The following BBS9 variants were observed in gnomAD, a reference collection of about 807,000 sequenced individuals.
BBS9 encodes Bardet-Biedl syndrome 9.
Under a neutral mutation model 117.7 loss-of-function variants are expected in BBS9, and 89 were observed. The observed-to-expected ratio is 0.76, with a 90% CI of 0.64 to 0.90. The LOEUF (loss-of-function observed/expected upper bound fraction) is 0.90, where lower values mean the gene tolerates loss of function less well. Among genes scored for constraint, BBS9 ranks in the 40% least tolerant of loss-of-function variants. The pLI is 0.00. For synonymous variants in BBS9, 379 were observed against 370.9 expected, an observed-to-expected ratio of 1.02 and a Z score of -0.25; for missense variants, 982 against 1,042.2, an observed-to-expected ratio of 0.94 and a Z score of 0.80.
At chr7:33,324,510 CA>C (rs1812429891) in intron 9 of BBS9, among the ~76,000 whole-genome samples, 1 of 152,050 alleles carries the variant, frequency 6.6e-6, no homozygotes, top group South Asian at 2.1e-4. Flanking sequence ...ACCACAGTTA[CA>C]GTGTTGTACT....
intron 18 of BBS9, among the ~76,000 whole-genome samples, chr7:33,386,207 CT>C (rs1477969448): frequency 2.0e-5 from 3 of 152,064 alleles, no homozygotes; most frequent in South Asian, 2.1e-4. Context: ...CATGAATACA[CT>C]TTAAAAAAGT....
chr7:33,295,845 G>T (rs555765952), intron 9 of BBS9, among the ~76,000 whole-genome samples: 1 of 152,040 alleles, frequency 6.6e-6, no homozygotes, highest in Non-Finnish European at 1.5e-5. Flanking sequence ...ATTTTTTTAA[G>T]TTACAAATTG....
chr7:33,446,848 A>G (rs1442507137), intron 19 of BBS9, among the ~76,000 whole-genome samples: 1 of 152,214 alleles, frequency 6.6e-6, no homozygotes, highest in Non-Finnish European at 1.5e-5. Flanking sequence ...TGAGCACTTC[A>G]GAGGGCTTCC....
intron 17 of BBS9, among the ~76,000 whole-genome samples, chr7:33,368,575 A>T (rs1432084134): frequency 3.1e-5 from 4 of 128,288 alleles, no homozygotes; most frequent in Admixed American, 7.4e-5. Context: ...GAGAGAAAAA[A>T]GTACACACAC....
rs1389176543 is a variant in BBS9 at position 33,171,311 on chromosome 7, C to G, written c.329-6167C>G. Among the ~76,000 whole-genome samples, 4 of 152,052 alleles carry G rather than the reference C, an allele frequency of 2.6e-5. 1 individual carries two copies. In the South Asian group the frequency reaches 8.3e-4, roughly 32 times the overall value. ...CAGAAATAACGCCGCATATCTACAA[C>G]TATCTGATCTTTGACAAACCTGAGA... On this transcript the variant is annotated intron_variant, in intron 4 of 22. Coordinates refer to ENST00000242067, the MANE Select transcript of BBS9 (RefSeq NM_198428.3).
At chr7:33,366,518 GTTTCTTTTTTTTTTTCTTTTC>G (rs1821754152) in intron 16 of BBS9, among the ~76,000 whole-genome samples, 2 of 105,958 alleles carry the variant, frequency 1.9e-5, no homozygotes, top group Admixed American at 1.8e-4. Context: ...GATGTTTAAT[GTTTCTTTTTTTTTTTCTTTTC>G]TTTCTTTTTT....
chr7:33,381,797 G>A (rs779578873), intron 17 of BBS9, among the ~76,000 whole-genome samples: 25 of 152,280 alleles, frequency 1.6e-4, no homozygotes, highest in Non-Finnish European at 3.2e-4. Flanking sequence ...GCAAAGACCA[G>A]TGTGTTTGCA....
At chr7:33,370,882 T>A (rs1822737490) in intron 17 of BBS9, among the ~76,000 whole-genome samples, 1 of 152,120 alleles carries the variant, frequency 6.6e-6, no homozygotes, top group Non-Finnish European at 1.5e-5. Context: ...TCTACTTGCT[T>A]CTTAAAGAAT....
chr7:33,489,199 G>T (rs1843556852), intron 19 of BBS9, among the ~76,000 whole-genome samples: 1 of 151,702 alleles, frequency 6.6e-6, no homozygotes, highest in Admixed American at 6.6e-5. Flanking sequence ...TCGCCATGTT[G>T]GCCAGGCTGG....
At chr7:33,161,393 C>T (rs1037269551) in intron 4 of BBS9, among the ~76,000 whole-genome samples, 9 of 152,102 alleles carry the variant, frequency 5.9e-5, no homozygotes, top group African/African-American at 1.9e-4. Flanking sequence ...TCCTTGTGAT[C>T]GTTTGCTCAG....
intron 16 of BBS9, among the ~76,000 whole-genome samples, chr7:33,367,132 C>T (rs1388577549): frequency 3.3e-5 from 5 of 152,032 alleles, no homozygotes; most frequent in Non-Finnish European, 7.4e-5. Context: ...GAGAACCTTT[C>T]CTTTAGTAGT....
intron 10 of BBS9, 103 bp from the exon 11 acceptor site, chr7:33,340,794 A>G: frequency 2.2e-6 from 2 of 899,964 alleles, no homozygotes; most frequent in Non-Finnish European, 3.4e-6. Flanking sequence ...GAGTATGTTT[A>G]TGGGGTTTTT....
chr7:33,521,846 C>T (rs1417208303), intron 20 of BBS9, among the ~76,000 whole-genome samples: 1 of 150,782 alleles, frequency 6.6e-6, no homozygotes, highest in Non-Finnish European at 1.5e-5. Context: ...GCTGCACACA[C>T]TAACTCATCA....
chr7:33,281,192 C>A (rs995955709), intron 9 of BBS9, among the ~76,000 whole-genome samples: 7 of 150,960 alleles, frequency 4.6e-5, no homozygotes, highest in Non-Finnish European at 1.0e-4. Flanking sequence ...TTTAGATATT[C>A]TATGTTAGTC....
At chr7:33,425,142 G>T (rs1833471181) in intron 19 of BBS9, among the ~76,000 whole-genome samples, 1 of 151,962 alleles carries the variant, frequency 6.6e-6, no homozygotes, top group Admixed American at 6.5e-5. Context: ...GTGCCATTTT[G>T]TTATCTACCA....
At chr7:33,465,320 C>T (rs141684544) in intron 19 of BBS9, among the ~76,000 whole-genome samples, 2 of 148,990 alleles carry the variant, frequency 1.3e-5, no homozygotes, top group South Asian at 2.1e-4. Flanking sequence ...ATTTTATGAT[C>T]GTGTAAAATT....
intron 19 of BBS9, among the ~76,000 whole-genome samples, chr7:33,450,544 G>A (rs897519757): frequency 6.6e-6 from 1 of 152,206 alleles, no homozygotes; most frequent in Admixed American, 6.5e-5. Context: ...TGATGTGTGT[G>A]TGTGTTTAAT....
intron 19 of BBS9, among the ~76,000 whole-genome samples, chr7:33,442,726 A>G (rs760689230): frequency 6.6e-6 from 1 of 152,204 alleles, no homozygotes; most frequent in Admixed American, 6.5e-5. Context: ...ATTGTTCCTC[A>G]AAGAAGGTGT....
intron 9 of BBS9, among the ~76,000 whole-genome samples, chr7:33,327,880 G>T (rs997978308): frequency 6.6e-6 from 1 of 152,174 alleles, no homozygotes; most frequent in African/African-American, 2.4e-5. Context: ...CTTTCTGGAT[G>T]AGCAGCTTAA....
Sources: allele counts gnomAD v4.1 joint callset (sites outside exome capture counted in the v4.1 genomes callset), GRCh38; gene constraint gnomAD v4.1.1; transcripts MANE v1.5; gene names NCBI Gene and HGNC (gene_info 2026-07-23, HGNC 2026-07-21).